The following USP9X variants were observed in gnomAD, a reference collection of about 807,000 sequenced individuals.
USP9X encodes ubiquitin specific peptidase 9 X-linked, also known as ubiquitin carboxyl-terminal hydrolase 9X.
USP9X carries 7 observed loss-of-function variants against 190.3 expected under a neutral mutation model. The observed-to-expected ratio is 0.04, with a 90% CI of 0.02 to 0.07. The LOEUF (loss-of-function observed/expected upper bound fraction) is 0.07. USP9X is among the 10% of genes least tolerant of loss of function. The pLI, the probability that USP9X is intolerant of heterozygous loss-of-function variation, is 1.00. For synonymous variants in USP9X, 645 were observed against 659.5 expected, an observed-to-expected ratio of 0.98 and a Z score of 0.34; for missense variants, 1,010 against 1,916.9, an observed-to-expected ratio of 0.53 and a Z score of 8.83.
At chrX:41,172,752 T>G (rs888204305) in intron 21 of USP9X, among the ~76,000 whole-genome samples, 1 of 112,086 alleles carries the variant, frequency 8.9e-6, no homozygotes, top group Non-Finnish European at 1.9e-5. Context: ...TTTTGAGATA[T>G]TTTTTATCTG....
chrX:41,125,682 A>ACTCT (rs1477045514), intron 2 of USP9X, among the ~76,000 whole-genome samples: 530 of 22,784 alleles, frequency 0.023, no homozygotes, highest in Admixed American at 0.04. Flanking sequence ...ACACACACAC[A>ACTCT]CACTCTCTCT....
At chrX:41,088,446 T>G (rs967682795) in intron 1 of USP9X, among the ~76,000 whole-genome samples, 1 of 112,619 alleles carries the variant, frequency 8.9e-6, no homozygotes, top group South Asian at 3.6e-4. Flanking sequence ...AGTTCTTGAT[T>G]AGTTGGTCAC....
intron 14 of USP9X, 66 bp downstream of exon 14, chrX:41,153,147 T>A: frequency 9.5e-7 from 1 of 1,048,933 alleles, no homozygotes; most frequent in Non-Finnish European, 1.3e-6. Flanking sequence ...TTAATTACCT[T>A]AGAAATGTAA....
At chrX:41,208,968 A>G (rs2063133134) in intron 32 of USP9X, among the ~76,000 whole-genome samples, 1 of 111,354 alleles carries the variant, frequency 9.0e-6, no homozygotes, top group Non-Finnish European at 1.9e-5. Context: ...TCGGCCTCCC[A>G]AAATGCTAGG....
At chrX:41,130,499 G>GT (rs1277897664) in intron 3 of USP9X, among the ~76,000 whole-genome samples, 5 of 57,306 alleles carry the variant, frequency 8.7e-5, no homozygotes, top group Non-Finnish European at 1.4e-4. Flanking sequence ...TTTGTTTTTT[G>GT]TTTTTTTTGA....
chrX:41,173,628 C>T (rs1439491073), intron 21 of USP9X, among the ~76,000 whole-genome samples: 1 of 111,840 alleles, frequency 8.9e-6, no homozygotes, highest in Non-Finnish European at 1.9e-5. Flanking sequence ...TTACTGCCAT[C>T]TACTTAGCAG....
At chrX:41,152,728 A>G (rs1391286550) in intron 13 of USP9X, among the ~76,000 whole-genome samples, 1 of 112,222 alleles carries the variant, frequency 8.9e-6, no homozygotes, top group Non-Finnish European at 1.9e-5. Flanking sequence ...AAGTTGGAGA[A>G]TAGTGATGGA....
chrX:41,106,875 T>C (rs1304157629), intron 1 of USP9X, among the ~76,000 whole-genome samples: 1 of 96,836 alleles, frequency 1.0e-5, no homozygotes, highest in East Asian at 3.4e-4. Flanking sequence ...TTTTCTTTCT[T>C]TCTTTTCTTT....
intron 30 of USP9X, among the ~76,000 whole-genome samples, chrX:41,200,826 CAT>C (rs1467556206): frequency 8.9e-6 from 1 of 112,100 alleles, no homozygotes; most frequent in African/African-American, 3.2e-5. Flanking sequence ...GAAGCAACAT[CAT>C]ATGAAACGGG....
intron 1 of USP9X, among the ~76,000 whole-genome samples, chrX:41,099,363 A>T (rs768930855): frequency 9.0e-6 from 1 of 110,532 alleles, no homozygotes; most frequent in African/African-American, 3.3e-5. Context: ...GGTTTATAGG[A>T]TACATATGTG....
rs1327825759 is a variant in USP9X at position 41,148,592 on chromosome X, T to G, written c.1626+17T>G. The G allele has an allele frequency of 3.3e-6, 4 of 1,200,107 alleles. No individual in the cohort carries two copies. In the Admixed American group the frequency reaches 8.8e-5, roughly 26 times the overall value. On this transcript the variant is annotated intron_variant, in intron 12 of 44. Transcript: ENST00000378308. ...TGCTCCCAGGTAAGAGTGTACTGCT[T>G]TGCTCACTTTTTGTGACTTTTCCCC...
Position 41,218,809 on chromosome X carries a change from C to T in USP9X, c.6435+212C>T, listed in dbSNP as rs779501581. Among the ~76,000 whole-genome samples the T allele has an allele frequency of 7.1e-5, 8 of 112,024 alleles. No homozygotes were observed. The South Asian group carries it at 1.5e-3, about 21-fold the overall frequency. On this transcript the variant is annotated intron_variant, in intron 37 of 44. Coordinates refer to ENST00000378308, the MANE Select transcript of USP9X (RefSeq NM_001039591.3). ...AAAATGTAAGAGAATTTTCTCTGTTCGGTTACATGCAGTAGCTTAATTATA... is the reference window on the plus strand; with the variant it reads ...AAAATGTAAGAGAATTTTCTCTGTTTGGTTACATGCAGTAGCTTAATTATA...
intron 13 of USP9X, among the ~76,000 whole-genome samples, chrX:41,152,677 T>C (rs191119185): frequency 8.9e-6 from 1 of 112,196 alleles, no homozygotes; most frequent in African/African-American, 3.2e-5. Flanking sequence ...GGTACAGTTA[T>C]AGTATAGACA....
chrX:41,133,494 C>T (rs569816798), intron 4 of USP9X, among the ~76,000 whole-genome samples: 18 of 111,785 alleles, frequency 1.6e-4, no homozygotes, highest in African/African-American at 5.8e-4. Flanking sequence ...CTTTGTGTTT[C>T]AAACAATCCA....
chrX:41,185,568 CTT>C (rs915212137), intron 23 of USP9X, among the ~76,000 whole-genome samples: 14 of 110,766 alleles, frequency 1.3e-4, no homozygotes, highest in African/African-American at 4.6e-4. Flanking sequence ...ACTTTCGACA[CTT>C]TGATGTGTGT....
At chrX:41,124,138 T>C in intron 2 of USP9X, among the ~76,000 whole-genome samples, 1 of 110,501 alleles carries the variant, frequency 9.0e-6, no homozygotes, top group Admixed American at 9.6e-5. Context: ...ACTGTTATTT[T>C]AAGTTTTGAT....
At position 41,229,614 on chromosome X, in the gene USP9X, T is replaced by C; in HGVS notation, c.7266T>C (p.Leu2422=). The change falls in exon 43 of 45, where the codon CTT becomes CTC. Residue 2422 remains leucine (L), a synonymous_variant. Coordinates refer to ENST00000378308, the MANE Select transcript of USP9X (RefSeq NM_001039591.3). ...AGTGGACCTGGGCAGTGGAATGGCT[T>C]GGAGATGAACTTGAAAGAAGACCAT... ...KRKWTWAVEW[L]GDELERRPYT... 1 of 1,211,735 alleles carries C rather than the reference T, an allele frequency of 8.3e-7. No homozygotes were observed. Among genetic ancestry groups the C allele is most frequent in the Non-Finnish European group, 1.1e-6 (1 of 895,501 alleles).
intron 21 of USP9X, among the ~76,000 whole-genome samples, chrX:41,182,716 C>A (rs2062838191): frequency 9.1e-6 from 1 of 110,378 alleles, no homozygotes; most frequent in Non-Finnish European, 1.9e-5. Context: ...ATAATATTGT[C>A]ATTTTAATAA....
At chrX:41,116,806 A>C (rs2062151492) in intron 1 of USP9X, among the ~76,000 whole-genome samples, 1 of 111,919 alleles carries the variant, frequency 8.9e-6, no homozygotes, top group Non-Finnish European at 1.9e-5. Flanking sequence ...TAGCATCTCA[A>C]TTTTAAATAC....
Sources: gnomAD v4.1 joint callset for allele counts (sites outside exome capture counted in the v4.1 genomes callset) on GRCh38, gnomAD v4.1.1 for gene constraint, MANE v1.5 for transcripts, NCBI Gene and HGNC (gene_info 2026-07-23, HGNC 2026-07-21) for gene names.